UGT2B7: variants seen among roughly 807,000 people sequenced by gnomAD.
UGT2B7 encodes the protein UDP glucuronosyltransferase family 2 member B7.
Under a neutral mutation model 51.9 loss-of-function variants are expected in UGT2B7, and 51 were observed. That is an observed-to-expected ratio of 0.98 (90% CI 0.78 to 1.24). The LOEUF is 1.24. UGT2B7 is among the 50% of genes most tolerant of loss of function. The probability of loss-of-function intolerance (pLI) is 0.00; values close to 1 mark genes in which losing one functional copy is unlikely to be tolerated. For missense variants in UGT2B7, 727 were observed against 628.4 expected, an observed-to-expected ratio of 1.16 and a Z score of -1.68; for synonymous variants, 225 against 211.6, an observed-to-expected ratio of 1.06 and a Z score of -0.55.
chr4:69,101,103 C>T (rs1387946844), intron 2 of UGT2B7, among the ~76,000 whole-genome samples: 2 of 151,824 alleles, frequency 1.3e-5, no homozygotes, highest in East Asian at 1.9e-4. Flanking sequence ...ATAATTTTAT[C>T]AATGAAATAT....
chr4:69,054,889 T>C (rs13144188), intron 1 of UGT2B7, among the ~76,000 whole-genome samples: 1 of 151,680 alleles, frequency 6.6e-6, no homozygotes, highest in Non-Finnish European at 1.5e-5. Context: ...ATCAAGTCAC[T>C]GAGGTAGGAA....
intron 1 of UGT2B7, among the ~76,000 whole-genome samples, chr4:69,081,847 CTTTG>C (rs1718845272): frequency 6.6e-6 from 1 of 152,068 alleles, no homozygotes; most frequent in Admixed American, 6.6e-5. Context: ...TTTTATTGCA[CTTTG>C]TTTTATTATG....
chr4:69,060,963 G>A (rs1016090107), intron 1 of UGT2B7, among the ~76,000 whole-genome samples: 1 of 152,182 alleles, frequency 6.6e-6, no homozygotes, highest in Non-Finnish European at 1.5e-5. Flanking sequence ...TAGATGAAGT[G>A]TTCTCAAGCC....
chr4:69,061,092 A>T (rs1161035184), intron 1 of UGT2B7, among the ~76,000 whole-genome samples: 1 of 152,202 alleles, frequency 6.6e-6, no homozygotes, highest in Non-Finnish European at 1.5e-5. Flanking sequence ...CTTTGGACTC[A>T]GCAGTAGAGG....
chr4:69,084,715 G>T (rs1343467442), intron 1 of UGT2B7, among the ~76,000 whole-genome samples: 2 of 152,164 alleles, frequency 1.3e-5, no homozygotes, highest in Admixed American at 1.3e-4. Flanking sequence ...AAAACATGAA[G>T]TGTTTGGTTT....
chr4:69,100,961 G>T (rs1201469971), intron 2 of UGT2B7, among the ~76,000 whole-genome samples: 1 of 151,780 alleles, frequency 6.6e-6, no homozygotes, highest in East Asian at 1.9e-4. Context: ...ATCATACAGA[G>T]AAAAAAATTA....
intron 1 of UGT2B7, among the ~76,000 whole-genome samples, chr4:69,056,805 A>C (rs1480869883): frequency 6.6e-6 from 1 of 152,226 alleles, no homozygotes; most frequent in Non-Finnish European, 1.5e-5. Flanking sequence ...TAAGTAACAA[A>C]AATAAGAGTG....
At chr4:69,109,684 T>A (rs1719717744) in intron 5 of UGT2B7, among the ~76,000 whole-genome samples, 1 of 152,258 alleles carries the variant, frequency 6.6e-6, no homozygotes, top group East Asian at 1.9e-4. Context: ...TAAATTTTAC[T>A]TTTTGATGTT....
chr4:69,105,359 A>G (rs1171836106), intron 3 of UGT2B7, among the ~76,000 whole-genome samples: 1 of 152,232 alleles, frequency 6.6e-6, no homozygotes. Flanking sequence ...GCTTTCTTGT[A>G]ATGACCTCTT....
rs778250028 is a variant in UGT2B7 at position 69,112,501 on chromosome 4, A to C, written c.1355A>C (p.Gln452Pro). 14 of 1,613,802 alleles carry C rather than the reference A, an allele frequency of 8.7e-6. No homozygotes were observed. Among genetic ancestry groups the C allele is most frequent in the Non-Finnish European group, 1.2e-5 (14 of 1,179,846 alleles). Reference protein sequence around the residue: ...VMKLSRIQHDQPVKPLDRAVF... With the variant: ...VMKLSRIQHDPPVKPLDRAVF... ...AAATTATCAAGAATTCAACATGATC[A>C]ACCAGTGAAGCCCCTGGATCGAGCA... Residue 452 changes from glutamine (Q) to proline (P), a missense_variant, in exon 6 of 6, where the codon CAA becomes CCA. Gln to Pro is a moderately conservative substitution (Grantham distance 76, BLOSUM62 -1). Coordinates refer to ENST00000305231, the MANE Select transcript of UGT2B7 (RefSeq NM_001074.4).
intron 1 of UGT2B7, among the ~76,000 whole-genome samples, chr4:69,058,434 A>T (rs376047148): frequency 4.6e-5 from 7 of 152,338 alleles, no homozygotes; most frequent in African/African-American, 1.7e-4. Context: ...TTTCTGGGAA[A>T]CAAGAGGACC....
intron 5 of UGT2B7, among the ~76,000 whole-genome samples, chr4:69,110,718 A>G (rs1471196822): frequency 6.6e-6 from 1 of 152,164 alleles, no homozygotes; most frequent in African/African-American, 2.4e-5. Context: ...GTTGGTGGAC[A>G]AAAGTGGTGA....
chr4:69,110,032 T>G (rs1406235020), intron 5 of UGT2B7, among the ~76,000 whole-genome samples: 1 of 152,026 alleles, frequency 6.6e-6, no homozygotes, highest in Non-Finnish European at 1.5e-5. Flanking sequence ...TACAAATACT[T>G]TCACTCAATC....
chr4:69,064,086 A>AAGAG (rs1560499729), intron 1 of UGT2B7, among the ~76,000 whole-genome samples: 2 of 102,478 alleles, frequency 2.0e-5, no homozygotes, highest in African/African-American at 5.1e-5. Context: ...GAAAGAAAGA[A>AAGAG]AGAAAGAAAG....
At chr4:69,081,180 A>AT (rs1210578804) in intron 1 of UGT2B7, among the ~76,000 whole-genome samples, 4 of 152,132 alleles carry the variant, frequency 2.6e-5, no homozygotes, top group African/African-American at 9.6e-5. Flanking sequence ...ACCTAATGGC[A>AT]TTATCAATGT....
chr4:69,056,919 T>G (rs1367961849), intron 1 of UGT2B7, among the ~76,000 whole-genome samples: 1 of 152,186 alleles, frequency 6.6e-6, no homozygotes, highest in African/African-American at 2.4e-5. Context: ...GTACCTGTTT[T>G]AAGAAAAAAA....
chr4:69,057,146 C>T (rs1718223151), intron 1 of UGT2B7, among the ~76,000 whole-genome samples: 1 of 152,216 alleles, frequency 6.6e-6, no homozygotes, highest in Admixed American at 6.5e-5. Flanking sequence ...CATGCACCAC[C>T]TGCTTGCTCA....
rs1410659965 is a variant in UGT2B7, at chr4:69,112,578, G to T, written c.1432G>T (p.Val478Phe). 22 of 1,613,832 alleles carry T rather than the reference G, an allele frequency of 1.4e-5. No homozygotes were observed. The highest frequency in any genetic ancestry group is 1.1e-5 in the South Asian group (1 of 91,078). Residue 478 changes from valine to phenylalanine, a missense_variant, in exon 6 of 6, where the codon GTT becomes TTT. Val to Phe is a conservative substitution (Grantham distance 50). Coordinates refer to ENST00000305231, the MANE Select transcript of UGT2B7 (RefSeq NM_001074.4). ...MRHKGAKHLR[V>F]AAHDLTWFQY... ...CCACAAAGGAGCTAAACACCTTCGG[G>T]TTGCAGCCCACGACCTCACCTGGTT...
At chr4:69,075,262 G>C (rs962068082) in intron 1 of UGT2B7, among the ~76,000 whole-genome samples, 1 of 152,098 alleles carries the variant, frequency 6.6e-6, no homozygotes, top group African/African-American at 2.4e-5. Context: ...AAGGCTTGTG[G>C]CTTGCTTAGC....
Sources: allele counts gnomAD v4.1 joint callset (sites outside exome capture counted in the v4.1 genomes callset), GRCh38; gene constraint gnomAD v4.1.1; transcripts MANE v1.5; gene names NCBI Gene and HGNC (gene_info 2026-07-23, HGNC 2026-07-21).